EPN2: variants seen among roughly 807,000 people sequenced by gnomAD.
EPN2 encodes epsin-2.
In EPN2, 34 loss-of-function variants were observed where a neutral mutation model predicts 61.7. That is an observed-to-expected ratio of 0.55 (90% CI 0.42 to 0.73). EPN2 has a LOEUF of 0.73. Among genes scored for constraint, EPN2 ranks in the 30% least tolerant of loss-of-function variants. The pLI is 0.00. For synonymous variants in EPN2, 349 were observed against 353.6 expected (o/e 0.99, Z 0.15); for missense variants, 714 against 839.2 (o/e 0.85, Z 1.84).
At chr17:19,254,549 C>CA (rs2045052824) in intron 1 of EPN2, among the ~76,000 whole-genome samples, 2 of 151,590 alleles carry the variant, frequency 1.3e-5, no homozygotes, top group Non-Finnish European at 2.9e-5. Flanking sequence ...TCAAAAAAAA[C>CA]AAAAACAAAA....
intron 4 of EPN2, among the ~76,000 whole-genome samples, chr17:19,293,147 G>C (rs2045481206): frequency 6.6e-6 from 1 of 152,104 alleles, no homozygotes; most frequent in South Asian, 2.1e-4. Context: ...GGGAGGTTGA[G>C]ACGGGCAGAT....
rs60753158 is a variant in EPN2, at chr17:19,291,427, A to ATT, written c.766+5664_766+5665dup. On this transcript the variant is annotated intron_variant, in intron 4 of 10. Transcript: ENST00000314728. The stretch of plus-strand genomic sequence containing the variant: ...GGCTATCCACGGTTATCAGCCATTC[A>ATT]TTTTTTTTTTTTTTTTTTTTTTTTT... Among the ~76,000 whole-genome samples, 40 of 69,882 alleles carry ATT rather than the reference A, an allele frequency of 5.7e-4. 1 individual carries two copies. Among genetic ancestry groups the ATT allele is most frequent in the South Asian group, 2.4e-3 (4 of 1,662 alleles). 45.8% of individuals were successfully genotyped at this position (69,882 alleles called of 152,430 possible).
At chr17:19,295,378 G>GCGCGCGCGCA (rs1374516110) in intron 4 of EPN2, among the ~76,000 whole-genome samples, 2 of 150,770 alleles carry the variant, frequency 1.3e-5, no homozygotes, top group African/African-American at 2.5e-5. Context: ...GCGCGTGCGC[G>GCGCGCGCGCA]CAAAATAGCC....
chr17:19,262,185 T>TA (rs1015785708), intron 1 of EPN2, among the ~76,000 whole-genome samples: 125 of 139,270 alleles, frequency 9.0e-4, no homozygotes, highest in African/African-American at 3.1e-3. Flanking sequence ...AGACTCCATC[T>TA]AAAAAAAAAC....
intron 1 of EPN2, among the ~76,000 whole-genome samples, chr17:19,265,950 T>G (rs747830457): frequency 1.6e-4 from 24 of 152,128 alleles, no homozygotes; most frequent in Non-Finnish European, 5.9e-5. Context: ...ATGTTTCCAC[T>G]CTGTTTATGT....
chr17:19,295,178 G>A (rs191769050), intron 4 of EPN2, among the ~76,000 whole-genome samples: 198 of 152,232 alleles, frequency 1.3e-3, no homozygotes, highest in Non-Finnish European at 1.6e-4. Context: ...GCCCCGTGCT[G>A]TATCCCTAGT....
intron 7 of EPN2, among the ~76,000 whole-genome samples, chr17:19,315,063 A>G (rs1257599565): frequency 6.6e-6 from 1 of 152,218 alleles, no homozygotes; most frequent in East Asian, 1.9e-4. Context: ...GGAATTGGGG[A>G]TCAGAGTGGT....
At position 19,305,716 on chromosome 17, in the gene EPN2, G is replaced by A. The variant is rs117967802; in HGVS notation, c.767-4169G>A. 4.4e-3 allele frequency among the ~76,000 whole-genome samples: 663 copies of A among 152,164 alleles called. 17 individuals carry two copies. The highest frequency in any genetic ancestry group is 0.015 in the East Asian group (77 of 5,152). Reference sequence around the variant, plus strand: ...AAGGGTGTCTCTCCCCCAGCACAGAGTACAGGCACCCAGGCTCTGCCGGGC... The same window carrying A: ...AAGGGTGTCTCTCCCCCAGCACAGAATACAGGCACCCAGGCTCTGCCGGGC... On this transcript the variant is annotated intron_variant, in intron 4 of 10. Transcript: ENST00000314728.
In EPN2 at chr17:19,285,904, T is replaced by A; in HGVS notation, c.766+114T>A. 1 of 1,402,678 alleles carries A rather than the reference T, an allele frequency of 7.1e-7. No homozygotes were observed. The highest frequency in any genetic ancestry group is 9.3e-7 in the Non-Finnish European group (1 of 1,072,130). 86.9% of individuals were successfully genotyped at this position (1,402,678 alleles called of 1,614,324 possible). A position where few individuals can be genotyped will look rare whatever the true frequency, so the allele number is the denominator to read the frequency against. Reference sequence around the variant, plus strand: ...CCCTGTCTCCTCTGGGCCTGGGGGTTTGGCCTCCAGCAGGCCCAGGAGCCC... The same window carrying A: ...CCCTGTCTCCTCTGGGCCTGGGGGTATGGCCTCCAGCAGGCCCAGGAGCCC... On this transcript the variant is annotated intron_variant, in intron 4 of 10. Transcript: ENST00000314728. This position sits in a 1 kb window ranked among gnomAD's most constrained non-coding sequence, Gnocchi z 4.5.
At chr17:19,239,309 G>A (rs955953380) in intron 1 of EPN2, among the ~76,000 whole-genome samples, 1 of 152,090 alleles carries the variant, frequency 6.6e-6, no homozygotes, top group African/African-American at 2.4e-5. Flanking sequence ...CATCCACCAC[G>A]CCCGGCTAAT....
chr17:19,336,666 C>T lies in EPN2; in HGVS notation c.*2412C>T, dbSNP rs1429133387. ...GTGGCTGGTTTTGAACTTGTGTTGA[C>T]TGTTGATACTTATTTACTGTATAAA... On this transcript the variant is annotated 3_prime_UTR_variant, in exon 11 of 11. Coordinates refer to ENST00000314728, the MANE Select transcript of EPN2 (RefSeq NM_014964.5). The T allele has an allele frequency of 6.6e-6, 1 of 152,648 alleles. No individual in the cohort carries two copies. Among genetic ancestry groups the T allele is most frequent in the Non-Finnish European group, 1.5e-5 (1 of 68,072 alleles). 9.5% of individuals were successfully genotyped at this position (152,648 alleles called of 1,614,324 possible). A position where few individuals can be genotyped will look rare whatever the true frequency, so the allele number is the denominator to read the frequency against.
chr17:19,274,611 AC>A (rs1051216352), intron 1 of EPN2, among the ~76,000 whole-genome samples: 4 of 152,022 alleles, frequency 2.6e-5, no homozygotes, highest in African/African-American at 4.8e-5. Flanking sequence ...CTTGATGTAG[AC>A]CCCAGCTGAA....
At chr17:19,251,516 C>A (rs1200339118) in intron 1 of EPN2, among the ~76,000 whole-genome samples, 2 of 152,120 alleles carry the variant, frequency 1.3e-5, no homozygotes, top group Non-Finnish European at 1.5e-5. Context: ...TCACTGCAAC[C>A]TCTGCCTCCC....
chr17:19,305,289 A>G (rs1297030686), intron 4 of EPN2, among the ~76,000 whole-genome samples: 2 of 151,918 alleles, frequency 1.3e-5, no homozygotes. Flanking sequence ...ACCCAGCTAA[A>G]TTTTGTATGT....
At chr17:19,297,581 G>T (rs2045532851) in intron 4 of EPN2, among the ~76,000 whole-genome samples, 1 of 152,230 alleles carries the variant, frequency 6.6e-6, no homozygotes, top group Non-Finnish European at 1.5e-5. Flanking sequence ...GACACCGTGT[G>T]GTGCTGGGTG....
At chr17:19,249,810 T>C (rs2044993985) in intron 1 of EPN2, among the ~76,000 whole-genome samples, 1 of 152,298 alleles carries the variant, frequency 6.6e-6, no homozygotes, top group East Asian at 1.9e-4. Context: ...GACACAGGTC[T>C]TAATGGGCTG....
At chr17:19,281,110 C>T (rs2152216523) in intron 1 of EPN2, among the ~76,000 whole-genome samples, 1 of 152,310 alleles carries the variant, frequency 6.6e-6, no homozygotes, top group South Asian at 2.1e-4. Context: ...GTGTGTTCAG[C>T]CATCCAGAAG....
chr17:19,241,112 C>T (rs1238450632), intron 1 of EPN2, among the ~76,000 whole-genome samples: 1 of 152,116 alleles, frequency 6.6e-6, no homozygotes, highest in Non-Finnish European at 1.5e-5. Flanking sequence ...TGTTATTATA[C>T]CTGTTACCTA....
intron 7 of EPN2, among the ~76,000 whole-genome samples, chr17:19,322,040 G>A (rs1218056997): frequency 6.6e-6 from 1 of 152,184 alleles, no homozygotes; most frequent in Non-Finnish European, 1.5e-5. Flanking sequence ...TTTACTGATA[G>A]CCCCTTCCCC....
Sources: allele counts gnomAD v4.1 joint callset (sites outside exome capture counted in the v4.1 genomes callset), GRCh38; gene constraint gnomAD v4.1.1; non-coding constraint Gnocchi (gnomAD v3.1); transcripts MANE v1.5; gene names NCBI Gene and HGNC (gene_info 2026-07-23, HGNC 2026-07-21).